Variants in NRG1 observed in about 807,000 individuals in gnomAD.
NRG1 encodes pro-neuregulin-1, membrane-bound isoform.
In NRG1, 18 loss-of-function variants were observed where a neutral mutation model predicts 63.8. That is an observed-to-expected ratio of 0.28 (90% confidence interval 0.19 to 0.42). NRG1 has a LOEUF of 0.42. Among genes scored for constraint, NRG1 ranks in the 10% least tolerant of loss-of-function variants. The pLI, the probability that NRG1 is intolerant of heterozygous loss-of-function variation, is 1.00. For synonymous variants in NRG1, 302 were observed against 301.3 expected, an observed-to-expected ratio of 1.00 and a Z score of -0.02; for missense variants, 762 against 814.7, an observed-to-expected ratio of 0.94 and a Z score of 0.79.
intron 1 of NRG1, among the ~76,000 whole-genome samples, chr8:32,483,533 G>T (rs142926376): frequency 3.3e-5 from 5 of 152,272 alleles, no homozygotes; most frequent in African/African-American, 1.2e-4. Flanking sequence ...CTCAACATAT[G>T]CCACAGTTGC....
chr8:32,152,183 T>C (rs1453157924), intron 1 of NRG1, among the ~76,000 whole-genome samples: 1 of 152,350 alleles, frequency 6.6e-6, no homozygotes, highest in East Asian at 1.9e-4. Context: ...TGCTGTTTTC[T>C]AAAAGTTGTG....
At chr8:32,569,249 A>T (rs112741363) in intron 1 of NRG1, among the ~76,000 whole-genome samples, 3,082 of 152,216 alleles carry the variant, frequency 0.02, 108 homozygotes, top group African/African-American at 0.07. Flanking sequence ...GGGTTTTGCC[A>T]TGTTGGCCAG....
At chr8:31,853,315 T>C (rs868655329) in intron 1 of NRG1, among the ~76,000 whole-genome samples, 1 of 151,180 alleles carries the variant, frequency 6.6e-6, no homozygotes, top group Admixed American at 6.6e-5. Context: ...TCTCCTTGAA[T>C]AGGTCCTTCA....
intron 1 of NRG1, among the ~76,000 whole-genome samples, chr8:31,702,777 C>T (rs1810756537): frequency 6.6e-6 from 1 of 152,168 alleles, no homozygotes; most frequent in Non-Finnish European, 1.5e-5. Flanking sequence ...TTTTAAAAAT[C>T]TTATTGTCAC....
Position 32,471,254 on chromosome 8 carries a change from G to C in NRG1, c.38-124574G>C, listed in dbSNP as rs78305206. On this transcript the variant is annotated intron_variant, in intron 1 of 10. Transcript: ENST00000519301. ...CAGTTATCTGTTTCAACAACAATAA[G>C]ATTCTTTATCTATATGGCATAGTGG... 1.7e-3 allele frequency among the ~76,000 whole-genome samples: 258 copies of C among 152,266 alleles called. 2 individuals carry two copies. The highest frequency in any genetic ancestry group is 2.6e-3 in the Non-Finnish European group (176 of 68,024).
intron 1 of NRG1, among the ~76,000 whole-genome samples, chr8:31,662,622 G>A (rs577489755): frequency 5.6e-4 from 86 of 152,286 alleles, no homozygotes; most frequent in African/African-American, 2.0e-3. Flanking sequence ...TGGTAAATAA[G>A]TCAAGGTCGT....
intron 1 of NRG1, among the ~76,000 whole-genome samples, chr8:32,473,391 T>C (rs752179313): frequency 6.6e-6 from 1 of 152,212 alleles, no homozygotes; most frequent in Non-Finnish European, 1.5e-5. Flanking sequence ...ACTAACATCC[T>C]GAGAGCTAAA....
At chr8:31,903,039 A>G (rs1832219350) in intron 1 of NRG1, among the ~76,000 whole-genome samples, 1 of 152,166 alleles carries the variant, frequency 6.6e-6, no homozygotes, top group Non-Finnish European at 1.5e-5. Flanking sequence ...TAGAGAAATC[A>G]CATGGAAAGG....
At chr8:31,836,437 C>G (rs1016677625) in intron 1 of NRG1, among the ~76,000 whole-genome samples, 2 of 152,042 alleles carry the variant, frequency 1.3e-5, no homozygotes, top group African/African-American at 4.8e-5. Flanking sequence ...GCCATTGATT[C>G]CCCTCTCCAA....
intron 1 of NRG1, among the ~76,000 whole-genome samples, chr8:32,073,775 T>C (rs10503897): frequency 0.53 from 80,527 of 152,074 alleles, 21,955 homozygotes; most frequent in South Asian, 0.59. Context: ...TGGTAAACAA[T>C]GCAGTTAGGT....
intron 5 of NRG1, among the ~76,000 whole-genome samples, chr8:32,633,400 G>A (rs1588863362): frequency 6.6e-6 from 1 of 151,928 alleles, no homozygotes; most frequent in Non-Finnish European, 1.5e-5. Flanking sequence ...TACCTCCAAA[G>A]GCCTCTTGCC....
intron 1 of NRG1, among the ~76,000 whole-genome samples, chr8:32,457,730 T>C (rs1821780631): frequency 6.6e-6 from 1 of 152,138 alleles, no homozygotes; most frequent in East Asian, 1.9e-4. Flanking sequence ...AAGAGGACTT[T>C]TTTGGGGAAA....
chr8:31,639,471 C>T, intron 1 of NRG1: 3 of 1,531,756 alleles, frequency 2.0e-6, no homozygotes, highest in Non-Finnish European at 8.7e-7. Flanking sequence ...GTCGCCGCCG[C>T]GGCCACCCAG....
At chr8:32,275,107 A>G (rs768796136) in intron 1 of NRG1, among the ~76,000 whole-genome samples, 1 of 151,876 alleles carries the variant, frequency 6.6e-6, no homozygotes, top group Non-Finnish European at 1.5e-5. Context: ...GCATCCCACA[A>G]CATTGAACAG....
intron 1 of NRG1, among the ~76,000 whole-genome samples, chr8:32,421,655 C>T (rs1363845059): frequency 2.6e-5 from 4 of 152,108 alleles, no homozygotes; most frequent in African/African-American, 4.8e-5. Flanking sequence ...ATGCAGTGTG[C>T]ACCAATAGGC....
At chr8:31,761,970 G>A (rs1817609283) in intron 1 of NRG1, among the ~76,000 whole-genome samples, 1 of 152,060 alleles carries the variant, frequency 6.6e-6, no homozygotes, top group Admixed American at 6.5e-5. Context: ...CTTTCTATGT[G>A]CACCATTATG....
intron 1 of NRG1, chr8:31,639,912 G>A (rs781634445): frequency 3.6e-6 from 4 of 1,098,338 alleles, no homozygotes; most frequent in Admixed American, 1.0e-4. Context: ...CGAGGGGAAG[G>A]AAAAGGGAGG....
intron 1 of NRG1, among the ~76,000 whole-genome samples, chr8:31,983,088 T>C (rs1809438159): frequency 6.6e-6 from 1 of 152,106 alleles, no homozygotes; most frequent in African/African-American, 2.4e-5. Context: ...CTAAAATGGA[T>C]ATTAGAGGCT....
At chr8:32,733,731 A>G (rs978458226) in intron 6 of NRG1, among the ~76,000 whole-genome samples, 1 of 152,228 alleles carries the variant, frequency 6.6e-6, no homozygotes, top group Non-Finnish European at 1.5e-5. Context: ...AGAAAATGAA[A>G]TTGCTAAAAT....
Sources: allele counts gnomAD v4.1 joint callset (sites outside exome capture counted in the v4.1 genomes callset), GRCh38; gene constraint gnomAD v4.1.1; transcripts MANE v1.5; gene names NCBI Gene and HGNC (gene_info 2026-07-23, HGNC 2026-07-21).